The following ARHGAP32 variants were observed in gnomAD, a reference collection of about 807,000 sequenced individuals.
The protein encoded by ARHGAP32 is Rho GTPase activating protein 32, also known as rho GTPase-activating protein 32.
Under a neutral mutation model 186.5 loss-of-function variants are expected in ARHGAP32, and 51 were observed. That is an observed-to-expected ratio of 0.27 (90% CI 0.22 to 0.35). ARHGAP32 has a LOEUF of 0.35. ARHGAP32 is among the 10% of genes least tolerant of loss of function. The pLI, the probability that ARHGAP32 is intolerant of heterozygous loss-of-function variation, is 1.00. For missense variants in ARHGAP32, 2,186 were observed against 2,623.5 expected, an observed-to-expected ratio of 0.83 and a Z score of 3.64; for synonymous variants, 950 against 964.3, an observed-to-expected ratio of 0.99 and a Z score of 0.27.
intron 11 of ARHGAP32, among the ~76,000 whole-genome samples, chr11:129,002,097 T>A (rs1342752159): frequency 1.3e-5 from 2 of 152,192 alleles, no homozygotes; most frequent in African/African-American, 4.8e-5. Context: ...TAGTTCCATA[T>A]AAATTTTAGT....
rs577401869 is a variant in ARHGAP32, at chr11:129,085,667, C to T, written c.531+7954G>A. On this transcript the variant is annotated intron_variant, in intron 6 of 22. Transcript: ENST00000682385. The stretch of plus-strand genomic sequence containing the variant: ...AGACAACACTGAAAGAAAAGAAAAA[C>T]AAAGTTGGAAGGCTGACACTACCAG... 9.9e-4 allele frequency among the ~76,000 whole-genome samples: 151 copies of T among 152,050 alleles called. 1 individual carries two copies. The highest frequency in any genetic ancestry group is 3.6e-3 in the African/African-American group (148 of 41,476).
At position 128,970,577 on chromosome 11, in the gene ARHGAP32, G is replaced by C; in HGVS notation, c.4636C>G (p.Leu1546Val). The C allele has an allele frequency of 6.2e-7, 1 of 1,614,180 alleles. No individual in the cohort carries two copies. Among genetic ancestry groups the C allele is most frequent in the Non-Finnish European group, 8.5e-7 (1 of 1,180,030 alleles). The part of the protein sequence containing the change: ...ARSEPPASMG[L>V]RYNTYVAPGR... ...GGGGCCACATATGTGTTATAACGAA[G>C]ACCCATGGAGGCTGGTGGCTCTGAC... The change falls in exon 23 of 23, where the codon CTT becomes GTT. Residue 1546 changes from leucine to valine, a missense_variant. By Grantham distance (32) the Leu-to-Val change is conservative (BLOSUM62 1). Coordinates refer to ENST00000682385, the MANE Select transcript of ARHGAP32 (RefSeq NM_001378024.1). The surrounding 1 kb of genome is among the most constrained non-coding windows in gnomAD (Gnocchi z 5.8).
chr11:129,016,471 T>C (rs1298541612), intron 11 of ARHGAP32, among the ~76,000 whole-genome samples: 1 of 152,214 alleles, frequency 6.6e-6, no homozygotes, highest in Non-Finnish European at 1.5e-5. Flanking sequence ...TTTTTCCATA[T>C]GTATAATCAA....
intron 2 of ARHGAP32, among the ~76,000 whole-genome samples, chr11:129,159,769 A>C (rs1943490394): frequency 6.6e-6 from 1 of 152,128 alleles, no homozygotes; most frequent in Non-Finnish European, 1.5e-5. Flanking sequence ...ACACAACAAA[A>C]AAACTAAATT....
intron 1 of ARHGAP32, among the ~76,000 whole-genome samples, chr11:129,248,564 C>T (rs764591544): frequency 1.3e-5 from 2 of 152,184 alleles, no homozygotes; most frequent in African/African-American, 2.4e-5. Flanking sequence ...CTAACTAGGA[C>T]ATTTTCCAAC....
chr11:128,969,275 A>T lies in ARHGAP32; in HGVS notation c.5938T>A (p.Cys1980Ser). The change falls in exon 23 of 23, where the codon TGC becomes AGC. Residue 1980 changes from cysteine (C) to serine (S), a missense_variant. Coordinates refer to ENST00000682385, the MANE Select transcript of ARHGAP32 (RefSeq NM_001378024.1). The surrounding 1 kb of genome is among the most constrained non-coding windows in gnomAD (Gnocchi z 4.8). ...GTGAGGTGTTCTTCCTCCTTGTAGC[A>T]GTCTCTGGAGTGTTTCTCTGGGGCA... The part of the protein sequence containing the change: ...PSAPEKHSRD[C>S]YKEEEHLTQS... 1 of 1,614,200 alleles carries T rather than the reference A, an allele frequency of 6.2e-7. No homozygotes were observed. Among genetic ancestry groups the T allele is most frequent in the Non-Finnish European group, 8.5e-7 (1 of 1,180,044 alleles).
At chr11:129,085,545 T>C (rs1941361963) in intron 6 of ARHGAP32, among the ~76,000 whole-genome samples, 1 of 152,182 alleles carries the variant, frequency 6.6e-6, no homozygotes, top group Non-Finnish European at 1.5e-5. Context: ...AAACCTGATT[T>C]ACAGATTCAA....
intron 5 of ARHGAP32, among the ~76,000 whole-genome samples, chr11:129,104,472 C>G (rs1052373518): frequency 6.6e-6 from 1 of 151,788 alleles, no homozygotes; most frequent in Non-Finnish European, 1.5e-5. Flanking sequence ...ATTTTAATTG[C>G]AGCCATAAAA....
chr11:129,148,760 C>A (rs1157895085), intron 2 of ARHGAP32, among the ~76,000 whole-genome samples: 3 of 152,140 alleles, frequency 2.0e-5, no homozygotes, highest in African/African-American at 7.2e-5. Flanking sequence ...CTGAGTGGGG[C>A]ACTGCAGGAG....
At chr11:129,013,252 G>A (rs576668447) in intron 11 of ARHGAP32, among the ~76,000 whole-genome samples, 4 of 152,182 alleles carry the variant, frequency 2.6e-5, no homozygotes, top group South Asian at 2.1e-4. Flanking sequence ...GCTGACATAC[G>A]TGCAGCTCTG....
intron 10 of ARHGAP32, among the ~76,000 whole-genome samples, chr11:129,055,696 A>C (rs1391338500): frequency 5.9e-5 from 9 of 152,210 alleles, no homozygotes; most frequent in African/African-American, 2.2e-4. Context: ...CACATACTAT[A>C]CGATTCCAAC....
chr11:129,050,254 G>A (rs994344320), intron 10 of ARHGAP32, among the ~76,000 whole-genome samples: 1 of 152,084 alleles, frequency 6.6e-6, no homozygotes, highest in African/African-American at 2.4e-5. Flanking sequence ...TACATTTCTC[G>A]AATGACTATT....
At chr11:129,093,568 C>T (rs1310194920) in intron 6 of ARHGAP32, 53 bp downstream of exon 6, 38 of 1,263,510 alleles carry the variant, frequency 3.0e-5, no homozygotes, top group Admixed American at 4.0e-5. Flanking sequence ...TTAATCATCA[C>T]TCAACCTAAT....
At chr11:128,990,585 T>C (rs1312801484) in intron 12 of ARHGAP32, among the ~76,000 whole-genome samples, 2 of 152,176 alleles carry the variant, frequency 1.3e-5, no homozygotes, top group Non-Finnish European at 2.9e-5. Flanking sequence ...TATGGTTATG[T>C]AGTAAAGATG....
At chr11:129,233,394 C>T (rs1944884724) in intron 1 of ARHGAP32, among the ~76,000 whole-genome samples, 1 of 151,824 alleles carries the variant, frequency 6.6e-6, no homozygotes, top group African/African-American at 2.4e-5. Context: ...TTGACCTAAC[C>T]AACTCACAGC....
intron 5 of ARHGAP32, among the ~76,000 whole-genome samples, chr11:129,116,285 T>C (rs1036916696): frequency 1.4e-4 from 22 of 152,050 alleles, no homozygotes; most frequent in Admixed American, 3.9e-4. Flanking sequence ...CTGACTCCAC[T>C]ATAGATATAT....
intron 10 of ARHGAP32, among the ~76,000 whole-genome samples, chr11:129,054,635 A>C (rs1000256940): frequency 1.3e-5 from 2 of 152,198 alleles, no homozygotes; most frequent in Non-Finnish European, 2.9e-5. Flanking sequence ...ATTTCTAACA[A>C]TCATTTACAG....
intron 1 of ARHGAP32, among the ~76,000 whole-genome samples, chr11:129,250,034 G>A (rs1036452095): frequency 1.3e-5 from 2 of 151,402 alleles, no homozygotes; most frequent in African/African-American, 4.8e-5. Context: ...GGCAACATAG[G>A]GAGATCTCAT....
intron 11 of ARHGAP32, among the ~76,000 whole-genome samples, chr11:129,039,926 C>G (rs1025811557): frequency 2.6e-5 from 4 of 152,082 alleles, no homozygotes; most frequent in African/African-American, 7.2e-5. Flanking sequence ...GAAGCATTTT[C>G]TCTACTGAAC....
Sources: gnomAD v4.1 joint callset for allele counts (sites outside exome capture counted in the v4.1 genomes callset) on GRCh38, gnomAD v4.1.1 for gene constraint, Gnocchi (gnomAD v3.1) non-coding constraint, MANE v1.5 for transcripts, NCBI Gene and HGNC (gene_info 2026-07-23, HGNC 2026-07-21) for gene names.